GSTA1: variants seen among roughly 807,000 people sequenced by gnomAD.
GSTA1 encodes glutathione S-transferase A1.
A neutral mutation model predicts 21.5 loss-of-function variants in GSTA1; 23 were observed. The ratio of observed to expected loss-of-function variants is 1.07; its 90% CI spans 0.77 to 1.52. The LOEUF is 1.52. Among genes scored for constraint, GSTA1 ranks in the 40% most tolerant of loss-of-function variants. The pLI, the probability that GSTA1 is intolerant of heterozygous loss-of-function variation, is 0.00. For synonymous variants in GSTA1, 125 were observed against 90.0 expected (o/e 1.39, Z -2.20); for missense variants, 301 against 264.2 (o/e 1.14, Z -0.96).
chr6:52,793,500 C>T (rs1763507042), intron 5 of GSTA1, among the ~76,000 whole-genome samples: 1 of 152,146 alleles, frequency 6.6e-6, no homozygotes, highest in South Asian at 2.1e-4. Flanking sequence ...CTGTAGGAAA[C>T]CTGGGTGAAC....
At chr6:52,793,164 C>G (rs1396336489) in intron 5 of GSTA1, among the ~76,000 whole-genome samples, 177 bp from the exon 6 acceptor site, 1 of 152,146 alleles carries the variant, frequency 6.6e-6, no homozygotes, top group Admixed American at 6.5e-5. Flanking sequence ...AACTGTAACT[C>G]TACTCACTCC....
At chr6:52,794,480 C>T (rs1016949428) in intron 4 of GSTA1, among the ~76,000 whole-genome samples, 3 of 152,162 alleles carry the variant, frequency 2.0e-5, no homozygotes, top group African/African-American at 7.2e-5. Flanking sequence ...AATTTTGTTA[C>T]ACACATGACC....
chr6:52,799,195 C>G lies in GSTA1; in HGVS notation c.73G>C (p.Ala25Pro). Residue 25 changes from alanine (A) to proline (P), a missense_variant, in exon 2 of 7, where the codon GCA becomes CCA. By Grantham distance (27) the Ala-to-Pro change is conservative (BLOSUM62 -1). Coordinates refer to ENST00000334575, the MANE Select transcript of GSTA1 (RefSeq NM_145740.5). ...RMESTRWLLA[A>P]AGVEFEEKFI... ...TCAGAACCTACCTCTACTCCAGCTGCAGCCAGGAGCCACCGGGTGGACTCC... is the reference window on the plus strand; with the variant it reads ...TCAGAACCTACCTCTACTCCAGCTGGAGCCAGGAGCCACCGGGTGGACTCC... The G allele has an allele frequency of 6.2e-7, 1 of 1,613,898 alleles. No individual in the cohort carries two copies.
intron 1 of GSTA1, among the ~76,000 whole-genome samples, chr6:52,799,846 A>C (rs1024056727): frequency 2.6e-5 from 4 of 152,196 alleles, no homozygotes; most frequent in Non-Finnish European, 5.9e-5. Context: ...AGGCCCTGGG[A>C]ACCCATGAAC....
chr6:52,791,517 C>T lies in GSTA1; in HGVS notation c.*341G>A, dbSNP rs371934099. 29 of 239,354 alleles carry T rather than the reference C, an allele frequency of 1.2e-4. No homozygotes were observed. The South Asian group carries it at 1.8e-3, about 15-fold the overall frequency. The allele number at this position is 239,354 out of a possible 1,614,324, so 14.8% of individuals were successfully genotyped here. A position where few individuals can be genotyped will look rare whatever the true frequency, so the allele number is the denominator to read the frequency against. On this transcript the variant is annotated 3_prime_UTR_variant, in exon 7 of 7. Coordinates refer to ENST00000334575, the MANE Select transcript of GSTA1 (RefSeq NM_145740.5). ...TGTCAGAAGTGCATTTCTACATTGA[C>T]ATTTTAATAGATTGTATGACAAATT...
chr6:52,799,121 G>A, intron 2 of GSTA1, 60 bp downstream of exon 2: 1 of 1,492,932 alleles, frequency 6.7e-7, no homozygotes, highest in African/African-American at 1.4e-5. Flanking sequence ...GTTTCTGTGG[G>A]AAAAGTATGT....
At chr6:52,793,118 CT>C (rs1763499416) in intron 5 of GSTA1, 131 bp from the exon 6 acceptor site, 1 of 1,247,252 alleles carries the variant, frequency 8.0e-7, no homozygotes, top group Non-Finnish European at 1.2e-6. Flanking sequence ...AAATCCAGAG[CT>C]TTCTCCACAT....
intron 5 of GSTA1, among the ~76,000 whole-genome samples, chr6:52,793,908 T>G (rs1763514999): frequency 6.6e-6 from 1 of 152,226 alleles, no homozygotes; most frequent in African/African-American, 2.4e-5. Context: ...TGGGGTCCAG[T>G]AAATTAAAAT....
At chr6:52,801,425 A>C (rs1763714789) in intron 1 of GSTA1, among the ~76,000 whole-genome samples, 1 of 152,196 alleles carries the variant, frequency 6.6e-6, no homozygotes, top group Admixed American at 6.5e-5. Context: ...GACAGAGTGA[A>C]AGGGAGAGTG....
At chr6:52,799,828 CTGG>C (rs1763671610) in intron 1 of GSTA1, among the ~76,000 whole-genome samples, 1 of 152,198 alleles carries the variant, frequency 6.6e-6, no homozygotes, top group Non-Finnish European at 1.5e-5. Context: ...TGGAAGCCAG[CTGG>C]GTGAAGGCCC....
chr6:52,793,117 G>A (rs1561910592), intron 5 of GSTA1, 130 bp from the exon 6 acceptor site: 1 of 1,263,832 alleles, frequency 7.9e-7, no homozygotes, highest in East Asian at 2.3e-5. Context: ...GAAATCCAGA[G>A]CTTTCTCCAC....
At chr6:52,800,734 A>G (rs1220648063) in intron 1 of GSTA1, among the ~76,000 whole-genome samples, 1 of 152,198 alleles carries the variant, frequency 6.6e-6, no homozygotes, top group Non-Finnish European at 1.5e-5. Context: ...TGAAAGCAGG[A>G]GTTCCAGTGC....
chr6:52,796,511 GTGTGTGTGTGTGTGTGTGTATA>G (rs1763590324), intron 3 of GSTA1, among the ~76,000 whole-genome samples, 197 bp from the exon 4 acceptor site: 1 of 7,938 alleles, frequency 1.3e-4, no homozygotes, highest in African/African-American at 3.6e-4. Flanking sequence ...GTGTGTGTGT[GTGTGTGTGTGTGTGTGTGTATA>G]TATATATATA....
At chr6:52,792,326 T>A (rs975581816) in intron 6 of GSTA1, among the ~76,000 whole-genome samples, 2 of 151,974 alleles carry the variant, frequency 1.3e-5, no homozygotes, top group African/African-American at 4.8e-5. Context: ...AGTGAAAACA[T>A]GGGGAAATTA....
chr6:52,797,601 C>G lies in GSTA1; in HGVS notation c.124G>C (p.Asp42His), dbSNP rs1160681699. The G allele has an allele frequency of 6.2e-7, 1 of 1,608,180 alleles. No individual in the cohort carries two copies. Among genetic ancestry groups the G allele is most frequent in the East Asian group, 2.2e-5 (1 of 44,798 alleles). Residue 42 changes from aspartate (D) to histidine (H), a missense_variant, in exon 3 of 7, where the codon GAC (aspartate) becomes CAC (histidine). Asp to His is a moderately conservative substitution (Grantham distance 81, BLOSUM62 -1). Coordinates refer to ENST00000334575, the MANE Select transcript of GSTA1 (RefSeq NM_145740.5). The stretch of plus-strand genomic sequence containing the variant: ...TTGATCTTACCATTTCTTAACTTGT[C>G]CAAATCTTCTGCAGATTTTATAAAT... ...EKFIKSAEDL[D>H]KLRNDGYLMF...
At chr6:52,802,948 GC>G (rs992190798) in intron 1 of GSTA1, among the ~76,000 whole-genome samples, 118 of 152,232 alleles carry the variant, frequency 7.8e-4, no homozygotes, top group African/African-American at 2.7e-3. Flanking sequence ...GAATGTCCAA[GC>G]AGTGGGGCAC....
In GSTA1 at chr6:52,797,521, C is replaced by T. The variant is rs556313927; in HGVS notation, c.139+65G>A. 90 of 1,278,104 alleles carry T rather than the reference C, an allele frequency of 7.0e-5. No individual in the cohort carries two copies. In the Middle Eastern group the frequency reaches 7.5e-4, roughly 11 times the overall value. 79.2% of individuals were successfully genotyped at this position (1,278,104 alleles called of 1,614,324 possible). On this transcript the variant is annotated intron_variant, in intron 3 of 6. Coordinates refer to ENST00000334575, the MANE Select transcript of GSTA1 (RefSeq NM_145740.5). ...CCACACCCATAGACATTGCCGGCTG[C>T]GCAAACCTCCCCGTGTACCTTCTAC...
At chr6:52,797,710 C>G (rs1163287915) in intron 2 of GSTA1, 73 bp from the exon 3 acceptor site, 1 of 1,250,858 alleles carries the variant, frequency 8.0e-7, no homozygotes, top group Non-Finnish European at 1.2e-6. Context: ...ATGGCCCCAT[C>G]TGGTGCATCA....
intron 5 of GSTA1, 41 bp downstream of exon 5, chr6:52,794,084 T>A (rs111864585): frequency 1.2e-6 from 2 of 1,612,192 alleles, no homozygotes; most frequent in South Asian, 2.2e-5. Flanking sequence ...TCTATTGGCC[T>A]CTAAACTCAG....
Sources: allele counts gnomAD v4.1 joint callset (sites outside exome capture counted in the v4.1 genomes callset), GRCh38; gene constraint gnomAD v4.1.1; transcripts MANE v1.5; gene names NCBI Gene and HGNC (gene_info 2026-07-23, HGNC 2026-07-21).